NLRP14: variants seen among roughly 807,000 people sequenced by gnomAD.
The protein encoded by NLRP14 is NACHT, LRR and PYD domains-containing protein 14.
NLRP14 carries 105 observed loss-of-function variants against 94.7 expected under a neutral mutation model. The ratio of observed to expected loss-of-function variants is 1.11; its 90% CI spans 0.95 to 1.30. The LOEUF (loss-of-function observed/expected upper bound fraction) is 1.30. Among genes scored for constraint, NLRP14 ranks in the 50% most tolerant of loss-of-function variants. The probability of loss-of-function intolerance (pLI) is 0.00; values close to 1 mark genes in which losing one functional copy is unlikely to be tolerated. For missense variants in NLRP14, 1,362 were observed against 1,254.1 expected, an observed-to-expected ratio of 1.09 and a Z score of -1.30; for synonymous variants, 508 against 459.9, an observed-to-expected ratio of 1.10 and a Z score of -1.34.
chr11:7,078,462 A>AAAAAGAAAAAAAAAG, the NLRP14 span, among the ~76,000 whole-genome samples: 1 of 88,484 alleles, frequency 1.1e-5, no homozygotes, highest in Non-Finnish European at 2.0e-5. Context: ...AAAAAAAAAA[A>AAAAAGAAAAAAAAAG]CAAAAAAATT....
rs534779209 is a variant in NLRP14, at chr11:7,039,834, A to T, written c.361+49A>T. The T allele has an allele frequency of 5.9e-6, 8 of 1,363,706 alleles. No homozygotes were observed. In the African/African-American group the frequency reaches 7.1e-5, roughly 12 times the overall value. The allele number at this position is 1,363,706 out of a possible 1,614,324, so 84.5% of individuals were successfully genotyped here. A position where few individuals can be genotyped will look rare whatever the true frequency, so the allele number is the denominator to read the frequency against. ...GATTTGGGAGGCATTCAAAGTTTTG[A>T]TACAGGACGGTGATTTATCTCCCGA... On this transcript the variant is annotated intron_variant, in intron 3 of 11. Coordinates refer to ENST00000299481, the MANE Select transcript of NLRP14 (RefSeq NM_176822.4).
At chr11:7,025,790 C>A (rs1372913342) in intron 1 of NLRP14, among the ~76,000 whole-genome samples, 2 of 139,632 alleles carry the variant, frequency 1.4e-5, no homozygotes, top group African/African-American at 5.2e-5. Context: ...ATAATGCCAT[C>A]AAACCTGCTA....
Position 7,071,363 on chromosome 11 carries a change from GAT to G in NLRP14, c.*61_*62del. Reference sequence around the variant, plus strand: ...ATAAATATAAATACATACATACATAGATATATACCCAGACTTGGGTGCTTAGC... The same window carrying G: ...ATAAATATAAATACATACATACATAGATATACCCAGACTTGGGTGCTTAGC... On this transcript the variant is annotated 3_prime_UTR_variant, in exon 12 of 12. Coordinates refer to ENST00000299481, the MANE Select transcript of NLRP14 (RefSeq NM_176822.4). The G allele has an allele frequency of 2.1e-6, 3 of 1,451,558 alleles. No homozygotes were observed. The highest frequency in any genetic ancestry group is 2.9e-6 in the Non-Finnish European group (3 of 1,049,948). The allele number at this position is 1,451,558 out of a possible 1,614,324, so 89.9% of individuals were successfully genotyped here.
chr11:7,080,579 G>A, the NLRP14 span, among the ~76,000 whole-genome samples: 2 of 152,168 alleles, frequency 1.3e-5, no homozygotes, highest in East Asian at 3.9e-4. Flanking sequence ...ATTCTCCATA[G>A]TACTTCCTGT....
chr11:7,072,370 C>G (rs535944749), downstream of NLRP14, among the ~76,000 whole-genome samples: 3 of 152,210 alleles, frequency 2.0e-5, no homozygotes, highest in Admixed American at 1.3e-4. Flanking sequence ...CAATTTTGAT[C>G]CTTGCCCCCT....
At chr11:7,044,942 A>G (rs1380644885) in intron 4 of NLRP14, among the ~76,000 whole-genome samples, 1 of 152,160 alleles carries the variant, frequency 6.6e-6, no homozygotes. Flanking sequence ...CCTTGATCTC[A>G]TTTAGTCTTC....
At chr11:7,044,040 T>C in intron 4 of NLRP14, 56 bp downstream of exon 4, 2 of 1,553,358 alleles carry the variant, frequency 1.3e-6, no homozygotes, top group Non-Finnish European at 8.9e-7. Context: ...GACGTAGATA[T>C]TTGTCAGAGG....
chr11:7,090,158 A>G, the NLRP14 span: 1 of 1,613,848 alleles, frequency 6.2e-7, no homozygotes, highest in East Asian at 2.2e-5. Context: ...TGGGCAGACC[A>G]GATCGTGGGC....
rs1852294268 is a variant in NLRP14, at chr11:7,043,293, C to T, written c.1267C>T (p.Gln423Ter). Reference protein sequence around the residue: ...GGSPSLPNQAQLRRLCQVAAK... With the variant: ...GGSPSLPNQA Reference sequence around the variant, plus strand: ...CTCTCCTAGTCTACCCAACCAAGCCCAGCTGAGAAGACTGTGCCAAGTCGC... The same window carrying T: ...CTCTCCTAGTCTACCCAACCAAGCCTAGCTGAGAAGACTGTGCCAAGTCGC... Residue 423 changes from glutamine (Q) to a stop codon, truncating the protein, a stop_gained, in exon 4 of 12, where the codon CAG (glutamine) becomes TAG (stop). Coordinates refer to ENST00000299481, the MANE Select transcript of NLRP14 (RefSeq NM_176822.4). LOFTEE classifies it high-confidence loss of function. 6.8e-6 allele frequency: 11 copies of T among 1,614,210 alleles called. No homozygotes were observed. The East Asian group carries it at 2.5e-4, about 36-fold the overall frequency.
intron 1 of NLRP14, among the ~76,000 whole-genome samples, chr11:7,026,064 A>G (rs1852010330): frequency 6.6e-6 from 1 of 152,242 alleles, no homozygotes; most frequent in African/African-American, 2.4e-5. Flanking sequence ...CAACTGATGA[A>G]TGTGTTTTTA....
the NLRP14 span, among the ~76,000 whole-genome samples, chr11:7,080,537 C>A: frequency 2.0e-5 from 3 of 152,158 alleles, no homozygotes; most frequent in Non-Finnish European, 4.4e-5. Flanking sequence ...CTATTTCAAT[C>A]ACAAATGCCA....
chr11:7,060,544 C>A (rs1852601770), intron 9 of NLRP14, among the ~76,000 whole-genome samples: 1 of 152,008 alleles, frequency 6.6e-6, no homozygotes, highest in African/African-American at 2.4e-5. Context: ...AGTGAATCTA[C>A]TGTGTGTCCT....
chr11:7,076,079 G>T (rs1852871273), downstream of NLRP14, among the ~76,000 whole-genome samples: 1 of 152,174 alleles, frequency 6.6e-6, no homozygotes, highest in South Asian at 2.1e-4. Flanking sequence ...CACTGCTGTG[G>T]AACAGTGGTG....
the NLRP14 span, among the ~76,000 whole-genome samples, chr11:7,088,831 G>A: frequency 6.6e-6 from 1 of 152,198 alleles, no homozygotes; most frequent in East Asian, 1.9e-4. Context: ...GCTTTCAGGA[G>A]GCCATTGAAG....
At chr11:7,036,122 T>G (rs1852156673) in intron 1 of NLRP14, among the ~76,000 whole-genome samples, 1 of 152,226 alleles carries the variant, frequency 6.6e-6, no homozygotes, top group African/African-American at 2.4e-5. Flanking sequence ...ATGAGCTAAT[T>G]ATTTTGAACA....
intron 11 of NLRP14, 83 bp downstream of exon 11, chr11:7,070,539 T>G: frequency 3.2e-6 from 3 of 925,488 alleles, no homozygotes; most frequent in Non-Finnish European, 1.7e-6. Flanking sequence ...GGCCTCAGAA[T>G]CCACCTAATT....
chr11:7,070,387 T>C lies in NLRP14; in HGVS notation c.3077T>C (p.Leu1026Ser). 1 of 1,608,608 alleles carries C rather than the reference T, an allele frequency of 6.2e-7. No homozygotes were observed. Among genetic ancestry groups the C allele is most frequent in the Non-Finnish European group, 8.5e-7 (1 of 1,175,078 alleles). ...AAAATGAATCTGACACAGAATACCTTAGGATATGAAGGAATTGTGAAGTTA... is the reference window on the plus strand; with the variant it reads ...AAAATGAATCTGACACAGAATACCTCAGGATATGAAGGAATTGTGAAGTTA... ...LIKMNLTQNT[L>S]GYEGIVKLYK... is the part of the protein sequence containing the mutation. The change falls in exon 11 of 12, where the codon TTA (leucine) becomes TCA (serine). Residue 1026 changes from leucine to serine, a missense_variant. By Grantham distance (145) the Leu-to-Ser change is moderately radical (BLOSUM62 -2). Transcript: ENST00000299481.
chr11:7,049,899 G>A, intron 6 of NLRP14, 61 bp downstream of exon 6: 1 of 1,390,848 alleles, frequency 7.2e-7, no homozygotes, highest in Non-Finnish European at 1.0e-6. Context: ...GTCTATCCAA[G>A]TAGACTCTTA....
intron 11 of NLRP14, among the ~76,000 whole-genome samples, 170 bp downstream of exon 11, chr11:7,070,626 G>C (rs548764298): frequency 6.6e-6 from 1 of 152,230 alleles, no homozygotes; most frequent in Admixed American, 6.5e-5. Flanking sequence ...ATACAATATA[G>C]CATAGTGGTT....
Sources: allele counts gnomAD v4.1 joint callset (sites outside exome capture counted in the v4.1 genomes callset), GRCh38; gene constraint gnomAD v4.1.1; transcripts MANE v1.5; gene names NCBI Gene and HGNC (gene_info 2026-07-23, HGNC 2026-07-21).